The following SGO2 variants were observed in gnomAD, a reference collection of about 807,000 sequenced individuals.
SGO2 encodes the protein shugoshin-like 2.
SGO2 carries 68 observed loss-of-function variants against 99.5 expected under a neutral mutation model. That is an observed-to-expected ratio of 0.68 (90% CI 0.56 to 0.84). The LOEUF (loss-of-function observed/expected upper bound fraction) is 0.84, where lower values mean the gene tolerates loss of function less well. Ranked by LOEUF, SGO2 falls within the 40% of genes least tolerant of loss-of-function variation. The probability of loss-of-function intolerance (pLI) is 0.00; values close to 1 mark genes in which losing one functional copy is unlikely to be tolerated. For synonymous variants in SGO2, 457 were observed against 487.1 expected (o/e 0.94, Z 0.81); for missense variants, 1,350 against 1,436.7 (o/e 0.94, Z 0.97).
At chr2:200,535,250 A>C (rs2031636883) in intron 3 of SGO2, 79 bp downstream of exon 3, 5 of 1,289,820 alleles carry the variant, frequency 3.9e-6, no homozygotes, top group Non-Finnish European at 5.2e-6. Flanking sequence ...CTTTAAAAAT[A>C]TTTTTCAAAT....
chr2:200,572,337 C>T lies in SGO2; in HGVS notation c.1991C>T (p.Ser664Phe). The change falls in exon 7 of 9, where the codon TCC becomes TTC. Residue 664 changes from serine (S) to phenylalanine (F), a missense_variant. Physicochemically the swap from Ser to Phe is radical, Grantham distance 155 (BLOSUM62 -2). Coordinates refer to ENST00000357799, the MANE Select transcript of SGO2 (RefSeq NM_152524.6). ...CCTATCTCTGAAAACATAGAAGTTT[C>T]CAAAGAGCTTCAAATCCCAGCTCTT... is the stretch of plus-strand genomic sequence containing the variant. ...KEPISENIEV[S>F]KELQIPALST... is the part of the protein sequence containing the mutation. The T allele has an allele frequency of 6.2e-7, 1 of 1,609,716 alleles. No individual in the cohort carries two copies. Among genetic ancestry groups the T allele is most frequent in the Non-Finnish European group, 8.5e-7 (1 of 1,178,708 alleles).
intron 5 of SGO2, among the ~76,000 whole-genome samples, chr2:200,562,429 TACC>T (rs2033009514): frequency 6.6e-6 from 1 of 152,236 alleles, no homozygotes; most frequent in South Asian, 2.1e-4. Context: ...TCTGTTTTGG[TACC>T]AGTACCATGC....
intron 1 of SGO2, among the ~76,000 whole-genome samples, chr2:200,529,748 G>A (rs986146027): frequency 2.6e-5 from 4 of 151,988 alleles, no homozygotes; most frequent in East Asian, 3.9e-4. Context: ...GGCTGGTCTC[G>A]AACTCCTGAC....
At chr2:200,545,265 G>A (rs375864128) in intron 5 of SGO2, among the ~76,000 whole-genome samples, 58 of 152,140 alleles carry the variant, frequency 3.8e-4, no homozygotes, top group African/African-American at 1.3e-3. Context: ...CCTCAACCTC[G>A]CAAAGTGCTA....
At position 200,534,998 on chromosome 2, in the gene SGO2, A is replaced by C; in HGVS notation, c.136A>C (p.Asn46His). 1 of 1,521,738 alleles carries C rather than the reference A, an allele frequency of 6.6e-7. No individual in the cohort carries two copies. 94.3% of individuals were successfully genotyped at this position (1,521,738 alleles called of 1,614,324 possible). A position where few individuals can be genotyped will look rare whatever the true frequency, so the allele number is the denominator to read the frequency against. Residue 46 changes from asparagine (N) to histidine (H), a missense_variant and splice_region_variant, in exon 3 of 9, where the codon AAT (asparagine) becomes CAT (histidine). Coordinates refer to ENST00000357799, the MANE Select transcript of SGO2 (RefSeq NM_152524.6). ...ASKIKTKILN[N>H]SSIFKISLKH... ...TCATTTTAAAAATCTTTTTACAGAT[A>C]ATTCTTCTATTTTCAAAATATCTTT...
At chr2:200,582,218 G>A (rs893320250) in intron 8 of SGO2, among the ~76,000 whole-genome samples, 6 of 152,132 alleles carry the variant, frequency 3.9e-5, no homozygotes, top group Non-Finnish European at 7.4e-5. Flanking sequence ...TAGTAGGAAA[G>A]TAAGAAAAGC....
Position 200,553,533 on chromosome 2 carries a change from G to A in SGO2, c.473+10869G>A, listed in dbSNP as rs556144670. 1.9e-3 allele frequency among the ~76,000 whole-genome samples: 284 copies of A among 152,166 alleles called. 2 individuals are homozygous for A. The highest frequency in any genetic ancestry group is 6.3e-3 in the African/African-American group (263 of 41,526). ...CTGATGAGACTAGAATCCAATAACA[G>A]GTGTATCATAGTGCTTGAAACATAA... is the stretch of plus-strand genomic sequence containing the variant. On this transcript the variant is annotated intron_variant, in intron 5 of 8. Transcript: ENST00000357799.
chr2:200,554,198 G>C (rs1337056782), intron 5 of SGO2, among the ~76,000 whole-genome samples: 1 of 152,098 alleles, frequency 6.6e-6, no homozygotes, highest in Non-Finnish European at 1.5e-5. Flanking sequence ...GGAGTATACT[G>C]TACTCAATTT....
At chr2:200,557,968 A>G (rs1231009752) in intron 5 of SGO2, among the ~76,000 whole-genome samples, 3 of 150,242 alleles carry the variant, frequency 2.0e-5, no homozygotes, top group African/African-American at 7.4e-5. Context: ...GGTTCAAGCG[A>G]TTCTCCTGCC....
chr2:200,566,344 CCT>C (rs1467098630), intron 5 of SGO2, among the ~76,000 whole-genome samples: 1 of 152,138 alleles, frequency 6.6e-6, no homozygotes, highest in Admixed American at 6.6e-5. Flanking sequence ...CACTCCAGAC[CCT>C]GTTTGCCTGG....
rs150234762 is a variant in SGO2, at chr2:200,572,827, G to C, written c.2481G>C (p.Glu827Asp). The C allele has an allele frequency of 2.7e-4, 440 of 1,611,262 alleles. 4 individuals are homozygous for C. The East Asian group carries it at 8.5e-3, about 31-fold the overall frequency. The stretch of plus-strand genomic sequence containing the variant: ...TTCCTGAAACCAACCAAATATATGA[G>C]AATGATAACAAAGGTGTACATGACC... The part of the protein sequence containing the change: ...EIIPETNQIY[E>D]NDNKGVHDLE... The change falls in exon 7 of 9, where the codon GAG (glutamate) becomes GAC (aspartate). Residue 827 changes from glutamate (E) to aspartate (D), a missense_variant. Transcript: ENST00000357799.
Position 200,573,399 on chromosome 2 carries a change from C to T in SGO2, c.3053C>T (p.Ser1018Phe), listed in dbSNP as rs2033530460. The change falls in exon 7 of 9, where the codon TCC (serine) becomes TTC (phenylalanine). Residue 1018 changes from serine to phenylalanine, a missense_variant. Ser to Phe is a radical substitution (Grantham distance 155, BLOSUM62 -2). Transcript: ENST00000357799. ...ACAGAATCTTCACAGACATCTATCT[C>T]CTTAGAATCTGATTTAAAACATATT... ...QLTESSQTSI[S>F]LESDLKHITS... is the part of the protein sequence containing the mutation. The T allele has an allele frequency of 1.9e-6, 3 of 1,604,526 alleles. No homozygotes were observed. Among genetic ancestry groups the T allele is most frequent in the East Asian group, 4.5e-5 (2 of 44,794 alleles).
chr2:200,567,369 A>G lies in SGO2; in HGVS notation c.474-2294A>G, dbSNP rs147112139. Among the ~76,000 whole-genome samples the G allele has an allele frequency of 2.2e-4, 34 of 152,178 alleles. No individual in the cohort carries two copies. In the East Asian group the frequency reaches 5.6e-3, roughly 25 times the overall value. On this transcript the variant is annotated intron_variant, in intron 5 of 8. Coordinates refer to ENST00000357799, the MANE Select transcript of SGO2 (RefSeq NM_152524.6). ...GGCTTCATTGATTTTATTTTTCTCAATTTTATGTTTTATATTTCATTGGTG... is the reference window on the plus strand; with the variant it reads ...GGCTTCATTGATTTTATTTTTCTCAGTTTTATGTTTTATATTTCATTGGTG...
At chr2:200,583,118 C>G (rs562150959) in intron 8 of SGO2, among the ~76,000 whole-genome samples, 50 of 152,132 alleles carry the variant, frequency 3.3e-4, no homozygotes, top group African/African-American at 1.2e-3. Flanking sequence ...GGAACATGAG[C>G]ATTTACTTTG....
At chr2:200,576,042 TA>T in intron 8 of SGO2, 2 of 390,372 alleles carry the variant, frequency 5.1e-6, no homozygotes, top group Non-Finnish European at 9.8e-6. Flanking sequence ...AACACTTCGA[TA>T]TATCTCTCTC....
intron 4 of SGO2, 54 bp from the exon 5 acceptor site, chr2:200,542,525 A>G (rs2032008822): frequency 7.2e-7 from 1 of 1,387,216 alleles, no homozygotes; most frequent in Non-Finnish European, 1.0e-6. Context: ...TGTGATAACT[A>G]ACATGATTTA....
chr2:200,532,357 T>C (rs1458976629), intron 1 of SGO2: 1 of 978,176 alleles, frequency 1.0e-6, no homozygotes, highest in African/African-American at 1.8e-5. Context: ...CATGGGGAGG[T>C]TGGTCTTACA....
At position 200,571,742 on chromosome 2, in the gene SGO2, C is replaced by T. The variant is rs752394566; in HGVS notation, c.1396C>T (p.Gln466Ter). The T allele has an allele frequency of 6.2e-7, 1 of 1,613,614 alleles. No individual in the cohort carries two copies. The highest frequency in any genetic ancestry group is 1.1e-5 in the South Asian group (1 of 91,052). ...QLAQMNEQLAQVNELKKMTLQ... is the reference protein window; with the variant it reads ...QLAQMNEQLA ...GGCTCAGATGAATGAACAGCTGGCT[C>T]AGGTGAATGAACTAAAGAAAATGAC... Residue 466 changes from glutamine (Q) to a stop codon, truncating the protein, a stop_gained, in exon 7 of 9, where the codon CAG (glutamine) becomes TAG (stop). Transcript: ENST00000357799. LOFTEE classifies it high-confidence loss of function.
In SGO2 at chr2:200,572,306, A is replaced by G; in HGVS notation, c.1960A>G (p.Lys654Glu). 1 of 1,609,790 alleles carries G rather than the reference A, an allele frequency of 6.2e-7. No homozygotes were observed. Among genetic ancestry groups the G allele is most frequent in the South Asian group, 1.1e-5 (1 of 89,746 alleles). The change falls in exon 7 of 9, where the codon AAA becomes GAA. Residue 654 changes from lysine to glutamate, a missense_variant. By Grantham distance (56) the Lys-to-Glu change is moderately conservative (BLOSUM62 1). Transcript: ENST00000357799. ...TTTTTTTTTCAAAACCCAAGAGGAT[A>G]AAGAACCTATCTCTGAAAACATAGA... Reference protein sequence around the residue: ...GNFFFKTQEDKEPISENIEVS... With the variant: ...GNFFFKTQEDEEPISENIEVS...
Sources: gnomAD v4.1 joint callset for allele counts (sites outside exome capture counted in the v4.1 genomes callset) on GRCh38, gnomAD v4.1.1 for gene constraint, MANE v1.5 for transcripts, NCBI Gene and HGNC (gene_info 2026-07-23, HGNC 2026-07-21) for gene names.